SBNO1: variants seen among roughly 807,000 people sequenced by gnomAD.
SBNO1 encodes protein strawberry notch homolog 1.
A neutral mutation model predicts 173.6 loss-of-function variants in SBNO1; 23 were observed. The ratio of observed to expected loss-of-function variants is 0.13; its 90% CI spans 0.10 to 0.19. The LOEUF is 0.19. Ranked by LOEUF, SBNO1 falls within the 10% of genes least tolerant of loss-of-function variation. The pLI, the probability that SBNO1 is intolerant of heterozygous loss-of-function variation, is 1.00. For missense variants in SBNO1, 1,238 were observed against 1,671.2 expected (o/e 0.74, Z 4.52); for synonymous variants, 632 against 571.5 (o/e 1.11, Z -1.51).
intron 26 of SBNO1, 50 bp downstream of exon 26, chr12:123,309,660 C>T (rs764711248): frequency 2.5e-6 from 4 of 1,604,572 alleles, no homozygotes; most frequent in Non-Finnish European, 1.7e-6. Flanking sequence ...AATTTCTCCA[C>T]TCCACATTTT....
chr12:123,324,550 G>A (rs1870386594), intron 15 of SBNO1, among the ~76,000 whole-genome samples: 1 of 151,980 alleles, frequency 6.6e-6, no homozygotes, highest in East Asian at 1.9e-4. Flanking sequence ...TCAAACTCCT[G>A]AGCTCTCGTG....
Position 123,313,676 on chromosome 12 carries a change from T to C in SBNO1, c.3164A>G (p.Asn1055Ser). The C allele has an allele frequency of 6.2e-7, 1 of 1,610,392 alleles. No homozygotes were observed. The highest frequency in any genetic ancestry group is 1.1e-5 in the South Asian group (1 of 90,902). The change falls in exon 24 of 32, where the codon AAC (asparagine) becomes AGC (serine). Residue 1055 changes from asparagine (N) to serine (S), a missense_variant. This residue lies in a region of SBNO1 where 351 missense variants were observed against 420.3 expected (regional missense o/e 0.84). Coordinates refer to ENST00000602398, the MANE Select transcript of SBNO1 (RefSeq NM_001167856.3). ...TGGTGATACCATAGGAGAATCCAAG[T>C]TTACAATGGATTTCATGACAATTTC... ...ALEIVMKSIV[N>S]LDSPMVSPPP...
At chr12:123,330,391 T>TGACCAACTGAATA in intron 9 of SBNO1, 28 bp downstream of exon 9, 1 of 1,260,658 alleles carries the variant, frequency 7.9e-7, no homozygotes, top group Non-Finnish European at 1.1e-6. Context: ...ATTTATTGAA[T>TGACCAACTGAATA]GACCAACTGA....
intron 23 of SBNO1, among the ~76,000 whole-genome samples, chr12:123,314,355 G>A (rs1869009758): frequency 6.6e-6 from 1 of 151,416 alleles, no homozygotes. Context: ...CTTTGAGACG[G>A]AGTCTTGCTC....
chr12:123,324,294 T>C (rs866388385), intron 15 of SBNO1, among the ~76,000 whole-genome samples: 3 of 151,346 alleles, frequency 2.0e-5, no homozygotes, highest in Non-Finnish European at 4.4e-5. Context: ...CAGAAAAATA[T>C]AGATTAGCAG....
At chr12:123,324,439 A>G (rs1324032923) in intron 15 of SBNO1, among the ~76,000 whole-genome samples, 2 of 151,378 alleles carry the variant, frequency 1.3e-5, no homozygotes, top group Admixed American at 1.3e-4. Context: ...CTCCTGCCTC[A>G]GCCTCTCCAG....
intron 28 of SBNO1, among the ~76,000 whole-genome samples, chr12:123,305,989 A>G (rs1242682146): frequency 6.6e-6 from 1 of 152,218 alleles, no homozygotes; most frequent in Non-Finnish European, 1.5e-5. Context: ...ACAATAAATC[A>G]TTGTTTGCGG....
rs988330854 is a variant in SBNO1, at chr12:123,294,376, T to A, written c.*1532A>T. The A allele has an allele frequency of 1.3e-5, 2 of 152,144 alleles. No homozygotes were observed. Among genetic ancestry groups the A allele is most frequent in the Non-Finnish European group, 2.9e-5 (2 of 68,116 alleles). 9.4% of individuals were successfully genotyped at this position (152,144 alleles called of 1,614,324 possible). A position where few individuals can be genotyped will look rare whatever the true frequency, so the allele number is the denominator to read the frequency against. ...TCAGAAGTACTATCATTATACCCTT[T>A]CCCTCAATGCCATCTTACATTTTAG... is the stretch of plus-strand genomic sequence containing the variant. On this transcript the variant is annotated 3_prime_UTR_variant, in exon 32 of 32. Coordinates refer to ENST00000602398, the MANE Select transcript of SBNO1 (RefSeq NM_001167856.3).
In SBNO1 at chr12:123,302,830, G is replaced by A. The variant is rs1381473318; in HGVS notation, c.3839C>T (p.Ala1280Val). Residue 1280 changes from alanine to valine, a missense_variant, in exon 30 of 32, where the codon GCT (alanine) becomes GTT (valine). Ala to Val is a moderately conservative substitution (Grantham distance 64). Around this residue, in one of 14 missense-constraint regions of SBNO1, gnomAD observed 351 missense variants for 420.3 expected, o/e 0.84. Transcript: ENST00000602398. ...GAAACACGAAAATACTAACCAATAA[G>A]CATGAGTACAAGTATCTGCAGATGA... ...YNSSADTCTH[A>V]YWRGNCKKAS... 1 of 1,611,612 alleles carries A rather than the reference G, an allele frequency of 6.2e-7. No homozygotes were observed. Among genetic ancestry groups the A allele is most frequent in the East Asian group, 2.2e-5 (1 of 44,842 alleles).
intron 6 of SBNO1, among the ~76,000 whole-genome samples, chr12:123,335,446 T>C (rs1388438208): frequency 6.6e-6 from 1 of 152,132 alleles, no homozygotes; most frequent in East Asian, 1.9e-4. Flanking sequence ...CCAGACCCCG[T>C]CTTAAAAAGA....
Position 123,345,574 on chromosome 12 carries a change from G to C in SBNO1, c.238-4C>G. The C allele has an allele frequency of 6.2e-7, 1 of 1,608,410 alleles. No homozygotes were observed. Among genetic ancestry groups the C allele is most frequent in the Non-Finnish European group, 8.5e-7 (1 of 1,176,182 alleles). Reference sequence around the variant, plus strand: ...TTGTAGTAGATGGAGGCTGCTGCTAGATAGAAAACAAAAAACACACCACTG... The same window carrying C: ...TTGTAGTAGATGGAGGCTGCTGCTACATAGAAAACAAAAAACACACCACTG... On this transcript the variant is annotated splice_polypyrimidine_tract_variant and splice_region_variant and intron_variant, in intron 3 of 31. Transcript: ENST00000602398.
intron 1 of SBNO1, among the ~76,000 whole-genome samples, chr12:123,357,885 C>A (rs1344688900): frequency 6.6e-6 from 1 of 152,192 alleles, no homozygotes; most frequent in Non-Finnish European, 1.5e-5. Flanking sequence ...AAGGAATGTG[C>A]AAATTATATA....
At chr12:123,356,887 T>A (rs1874522558) in intron 1 of SBNO1, among the ~76,000 whole-genome samples, 1 of 152,246 alleles carries the variant, frequency 6.6e-6, no homozygotes, top group African/African-American at 2.4e-5. Context: ...AGCAAATATC[T>A]TCACCTTAGC....
intron 31 of SBNO1, among the ~76,000 whole-genome samples, chr12:123,297,655 C>T (rs368918329): frequency 5.3e-5 from 8 of 151,978 alleles, no homozygotes; most frequent in African/African-American, 1.9e-4. Flanking sequence ...CTTAAGTTAG[C>T]TCAATGGAGA....
chr12:123,311,012 CTA>C (rs1243414750), intron 25 of SBNO1, 41 bp downstream of exon 25: 1 of 1,338,684 alleles, frequency 7.5e-7, no homozygotes, highest in South Asian at 1.2e-5. Flanking sequence ...GACTTTAATA[CTA>C]TAGCAACAGT....
intron 10 of SBNO1, 58 bp from the exon 11 acceptor site, chr12:123,328,085 T>TTC: frequency 7.4e-7 from 1 of 1,350,920 alleles, no homozygotes; most frequent in Non-Finnish European, 1.0e-6. Flanking sequence ...ATCTCCAGTC[T>TTC]TTCAAGAAGA....
chr12:123,326,127 T>A, intron 14 of SBNO1, 25 bp downstream of exon 14: 1 of 1,526,070 alleles, frequency 6.6e-7, no homozygotes, highest in Non-Finnish European at 8.9e-7. Flanking sequence ...CCCCAAACAA[T>A]CTCTTAATGA....
chr12:123,306,692 A>G (rs2048923215), intron 28 of SBNO1, among the ~76,000 whole-genome samples: 1 of 152,154 alleles, frequency 6.6e-6, no homozygotes, highest in African/African-American at 2.4e-5. Flanking sequence ...TATGTGGACC[A>G]ATCAAAATTG....
At chr12:123,309,944 T>A (rs2049011887) in intron 25 of SBNO1, 88 bp from the exon 26 acceptor site, 2 of 1,020,026 alleles carry the variant, frequency 2.0e-6, no homozygotes, top group Admixed American at 2.4e-5. Flanking sequence ...CCACTTTCTC[T>A]TCTAAAAGTC....
Sources: gnomAD v4.1 joint callset for allele counts (sites outside exome capture counted in the v4.1 genomes callset) on GRCh38, gnomAD v4.1.1 for gene constraint, gnomAD v4.1.1 regional missense constraint, MANE v1.5 for transcripts, NCBI Gene and HGNC (gene_info 2026-07-23, HGNC 2026-07-21) for gene names.